Variants in STEAP4 observed in about 807,000 individuals in gnomAD.
STEAP4 encodes metalloreductase STEAP4.
In STEAP4, 36 loss-of-function variants were observed where a neutral mutation model predicts 43.6. That is an observed-to-expected ratio of 0.83 (90% CI 0.63 to 1.09). STEAP4 has a LOEUF of 1.09. Among genes scored for constraint, STEAP4 ranks in the 50% least tolerant of loss-of-function variants. The pLI, the probability that STEAP4 is intolerant of heterozygous loss-of-function variation, is 0.00. For synonymous variants in STEAP4, 191 were observed against 196.7 expected (o/e 0.97, Z 0.24); for missense variants, 495 against 546.5 (o/e 0.91, Z 0.94).
At chr7:88,291,839 G>A (rs1852839569) in intron 1 of STEAP4, among the ~76,000 whole-genome samples, 1 of 152,102 alleles carries the variant, frequency 6.6e-6, no homozygotes, top group Non-Finnish European at 1.5e-5. Context: ...TCAGTCTCAT[G>A]GGCTCTCCAC....
chr7:88,294,907 A>G (rs1030663691), intron 1 of STEAP4, among the ~76,000 whole-genome samples: 2 of 152,192 alleles, frequency 1.3e-5, no homozygotes, highest in African/African-American at 4.8e-5. Flanking sequence ...CACACAAAGT[A>G]TACAAATGAA....
At chr7:88,293,514 A>G (rs1335727929) in intron 1 of STEAP4, among the ~76,000 whole-genome samples, 1 of 152,042 alleles carries the variant, frequency 6.6e-6, no homozygotes, top group African/African-American at 2.4e-5. Context: ...CGCTTTCAGT[A>G]TCTTACCCAA....
At chr7:88,297,982 T>C (rs2116014928) in intron 1 of STEAP4, among the ~76,000 whole-genome samples, 1 of 152,222 alleles carries the variant, frequency 6.6e-6, no homozygotes, top group South Asian at 2.1e-4. Flanking sequence ...TAAGAAAGTG[T>C]TGATTATCTC....
chr7:88,283,574 C>G (rs1852668659), intron 2 of STEAP4: 2 of 569,358 alleles, frequency 3.5e-6, no homozygotes, highest in African/African-American at 3.8e-5. Context: ...GACAAGAAGC[C>G]TCCAGAGGCT....
At position 88,279,646 on chromosome 7, in the gene STEAP4, AAATAT is replaced by A; in HGVS notation, c.1150-23_1150-19del. 1.9e-6 allele frequency: 3 copies of A among 1,576,122 alleles called. No individual in the cohort carries two copies. The highest frequency in any genetic ancestry group is 2.6e-6 in the Non-Finnish European group (3 of 1,154,606). On this transcript the variant is annotated intron_variant, in intron 4 of 4. Transcript: ENST00000380079. ...AGTTTGGACTATAAACAAGAAACAA[AAATAT>A]GTAAGTTAACATTATTTACATCTTA...
In STEAP4 at chr7:88,274,024, G is replaced by A. The variant is rs1852476409; in HGVS notation, c.*5374C>T. On this transcript the variant is annotated 3_prime_UTR_variant, in exon 5 of 5. Coordinates refer to ENST00000380079, the MANE Select transcript of STEAP4 (RefSeq NM_024636.4). ...GTTTCGTTCACTTAGTCTATTTTGT[G>A]GATTCAAAGGGACATTTAAGAGGAC... 6.6e-6 allele frequency: 1 copy of A among 152,112 alleles called. No individual in the cohort carries two copies. The highest frequency in any genetic ancestry group is 2.4e-5 in the African/African-American group (1 of 41,418). 9.4% of individuals were successfully genotyped at this position (152,112 alleles called of 1,614,324 possible).
intron 3 of STEAP4, chr7:88,281,973 G>A (rs1011320473): frequency 6.6e-6 from 1 of 152,026 alleles, no homozygotes; most frequent in Non-Finnish European, 1.5e-5. Context: ...ACATGCCTAA[G>A]AATAGAAGCT....
rs115354796 is a variant in STEAP4 at position 88,294,328 on chromosome 7, T to C, written c.-2-10057A>G. Among the ~76,000 whole-genome samples the C allele has an allele frequency of 3.0e-3, 454 of 152,154 alleles. 3 individuals are homozygous for C. Among genetic ancestry groups the C allele is most frequent in the African/African-American group, 0.011 (440 of 41,542 alleles). ...ATGTGTATAAGGTGTATATGAAACATAAATTTTGTCTTTAGACTTGGGTCT... is the reference window on the plus strand; with the variant it reads ...ATGTGTATAAGGTGTATATGAAACACAAATTTTGTCTTTAGACTTGGGTCT... On this transcript the variant is annotated intron_variant, in intron 1 of 4. Coordinates refer to ENST00000380079, the MANE Select transcript of STEAP4 (RefSeq NM_024636.4).
Position 88,302,731 on chromosome 7 carries a change from A to C in STEAP4, c.-3+4061T>G, listed in dbSNP as rs1413766040. Among the ~76,000 whole-genome samples the C allele has an allele frequency of 3.9e-5, 6 of 151,924 alleles. No individual in the cohort carries two copies. The East Asian group carries it at 1.2e-3, about 29-fold the overall frequency. ...CACTTCGGGAGGCCAAGACAGGCAG[A>C]TCACTTGAGGTCAGGAGTTGAAGAC... On this transcript the variant is annotated intron_variant, in intron 1 of 4. Coordinates refer to ENST00000380079, the MANE Select transcript of STEAP4 (RefSeq NM_024636.4).
At chr7:88,303,771 A>C (rs1459547655) in intron 1 of STEAP4, among the ~76,000 whole-genome samples, 1 of 152,228 alleles carries the variant, frequency 6.6e-6, no homozygotes, top group Non-Finnish European at 1.5e-5. Flanking sequence ...ATGATTTGGG[A>C]AGAACAAATT....
rs1308218424 is a variant in STEAP4 at position 88,276,638 on chromosome 7, T to C, written c.*2760A>G. 6.5e-6 allele frequency: 1 copy of C among 152,786 alleles called. No individual in the cohort carries two copies. The highest frequency in any genetic ancestry group is 1.9e-4 in the East Asian group (1 of 5,196). 9.5% of individuals were successfully genotyped at this position (152,786 alleles called of 1,614,324 possible). On this transcript the variant is annotated 3_prime_UTR_variant, in exon 5 of 5. Coordinates refer to ENST00000380079, the MANE Select transcript of STEAP4 (RefSeq NM_024636.4). ...GAATACAGTTCGCCCAAAGCACTTA[T>C]TTTCATCTGTTGTAAACTCATTCTT... is the stretch of plus-strand genomic sequence containing the variant.
At chr7:88,288,362 G>T (rs1360149143) in intron 1 of STEAP4, among the ~76,000 whole-genome samples, 1 of 152,056 alleles carries the variant, frequency 6.6e-6, no homozygotes, top group African/African-American at 2.4e-5. Flanking sequence ...TAGAGACAGG[G>T]TTTCTCCATG....
chr7:88,277,781 AC>A lies in STEAP4; in HGVS notation c.*1616del, dbSNP rs1852537751. The A allele has an allele frequency of 6.6e-6, 1 of 152,220 alleles. No homozygotes were observed. Among genetic ancestry groups the A allele is most frequent in the African/African-American group, 2.4e-5 (1 of 41,436 alleles). The allele number at this position is 152,220 out of a possible 1,614,324, so 9.4% of individuals were successfully genotyped here. ...AGGCTGATGAACAAGAATCACTTGA[AC>A]CTGGGAGGAGGAGGTTGCAGTGAGC... On this transcript the variant is annotated 3_prime_UTR_variant, in exon 5 of 5. Coordinates refer to ENST00000380079, the MANE Select transcript of STEAP4 (RefSeq NM_024636.4).
At chr7:88,285,402 A>C (rs868075084) in intron 1 of STEAP4, among the ~76,000 whole-genome samples, 1 of 152,340 alleles carries the variant, frequency 6.6e-6, no homozygotes, top group Middle Eastern at 3.4e-3. Flanking sequence ...ACACAACGTC[A>C]GTTTTCCCTA....
intron 1 of STEAP4, among the ~76,000 whole-genome samples, chr7:88,285,756 CAAA>C (rs371254467): frequency 7.7e-5 from 6 of 78,380 alleles, no homozygotes; most frequent in Admixed American, 1.4e-4. Flanking sequence ...GACTTTGTCT[CAAA>C]AAAAAAAAAA....
Position 88,276,114 on chromosome 7 carries a change from A to G in STEAP4, c.*3284T>C, listed in dbSNP as rs2115932712. On this transcript the variant is annotated 3_prime_UTR_variant, in exon 5 of 5. Coordinates refer to ENST00000380079, the MANE Select transcript of STEAP4 (RefSeq NM_024636.4). Reference sequence around the variant, plus strand: ...GAAGGAAAGCCTTTTTTACCTCCAAATTCTCACAAAAATCCAGCGTGGGAT... The same window carrying G: ...GAAGGAAAGCCTTTTTTACCTCCAAGTTCTCACAAAAATCCAGCGTGGGAT... The G allele has an allele frequency of 6.6e-6, 1 of 152,262 alleles. No homozygotes were observed. The highest frequency in any genetic ancestry group is 1.9e-4 in the East Asian group (1 of 5,170). 9.4% of individuals were successfully genotyped at this position (152,262 alleles called of 1,614,324 possible). A position where few individuals can be genotyped will look rare whatever the true frequency, so the allele number is the denominator to read the frequency against.
chr7:88,301,959 G>C (rs1269082749), intron 1 of STEAP4, among the ~76,000 whole-genome samples: 1 of 152,140 alleles, frequency 6.6e-6, no homozygotes, highest in South Asian at 2.1e-4. Context: ...ACATAATAGG[G>C]ACACTAAATC....
chr7:88,300,092 G>A (rs1853005766), intron 1 of STEAP4, among the ~76,000 whole-genome samples: 1 of 152,170 alleles, frequency 6.6e-6, no homozygotes, highest in Non-Finnish European at 1.5e-5. Flanking sequence ...GGGAGAAAGT[G>A]CTCTTGAAAT....
At chr7:88,283,390 C>T (rs1586744688) in intron 2 of STEAP4, 1 of 518,460 alleles carries the variant, frequency 1.9e-6, no homozygotes, top group Non-Finnish European at 3.3e-6. Context: ...TGGTTTTAGG[C>T]ACATCACACT....
Sources: allele counts gnomAD v4.1 joint callset (sites outside exome capture counted in the v4.1 genomes callset), GRCh38; gene constraint gnomAD v4.1.1; transcripts MANE v1.5; gene names NCBI Gene and HGNC (gene_info 2026-07-23, HGNC 2026-07-21).